PTPRD: variants seen among roughly 807,000 people sequenced by gnomAD.
The protein encoded by PTPRD is protein tyrosine phosphatase receptor type D, also known as receptor-type tyrosine-protein phosphatase delta.
In PTPRD, 34 loss-of-function variants were observed where a neutral mutation model predicts 214.5. That is an observed-to-expected ratio of 0.16 (90% CI 0.12 to 0.21). PTPRD has a LOEUF of 0.21. Among genes scored for constraint, PTPRD ranks in the 10% least tolerant of loss-of-function variants. The pLI is 1.00. For synonymous variants in PTPRD, 1,128 were observed against 845.7 expected (o/e 1.33, Z -5.79); for missense variants, 2,545 against 2,398.7 (o/e 1.06, Z -1.27).
At chr9:9,990,646 C>T (rs891512829) in intron 4 of PTPRD, among the ~76,000 whole-genome samples, 1 of 152,208 alleles carries the variant, frequency 6.6e-6, no homozygotes, top group Non-Finnish European at 1.5e-5. Context: ...GTAGTTTAGC[C>T]CTGGGCTGGG....
chr9:9,377,957 G>A (rs1011857349), intron 9 of PTPRD, among the ~76,000 whole-genome samples: 2 of 151,784 alleles, frequency 1.3e-5, no homozygotes, highest in African/African-American at 4.8e-5. Context: ...CAGCAACATT[G>A]AGAGGAAAGT....
chr9:8,836,997 G>T (rs1436786189), intron 11 of PTPRD, among the ~76,000 whole-genome samples: 1 of 147,320 alleles, frequency 6.8e-6, no homozygotes, highest in Admixed American at 6.8e-5. Flanking sequence ...GAAGAGTCTA[G>T]ATTACAGGCG....
At chr9:8,945,023 A>G (rs1485300704) in intron 11 of PTPRD, among the ~76,000 whole-genome samples, 2 of 152,118 alleles carry the variant, frequency 1.3e-5, no homozygotes, top group African/African-American at 4.8e-5. Context: ...CCCCATAAAC[A>G]TATGTACTTA....
chr9:10,107,246 C>T (rs72694872), intron 3 of PTPRD, among the ~76,000 whole-genome samples: 7,989 of 151,876 alleles, frequency 0.053, 275 homozygotes, highest in Admixed American at 0.1. Context: ...TTAGTTGTGG[C>T]CAGCAACATT....
At chr9:9,462,014 T>C (rs1478240450) in intron 8 of PTPRD, among the ~76,000 whole-genome samples, 1 of 152,188 alleles carries the variant, frequency 6.6e-6, no homozygotes, top group Non-Finnish European at 1.5e-5. Flanking sequence ...GTAGTTGCCA[T>C]AACTTATTAA....
chr9:8,485,167 C>T (rs879067830), intron 29 of PTPRD, 60 bp downstream of exon 29: 1 of 1,424,840 alleles, frequency 7.0e-7, no homozygotes, highest in Non-Finnish European at 9.8e-7. Flanking sequence ...ATAACTTACC[C>T]AGATAAACTG....
intron 10 of PTPRD, among the ~76,000 whole-genome samples, chr9:9,147,917 G>GCTT (rs2099871406): frequency 6.6e-6 from 1 of 152,074 alleles, no homozygotes; most frequent in Admixed American, 6.6e-5. Context: ...TGTGGAAGGT[G>GCTT]GACTCAGCAA....
At chr9:9,136,172 G>A (rs1251668202) in intron 10 of PTPRD, among the ~76,000 whole-genome samples, 1 of 152,056 alleles carries the variant, frequency 6.6e-6, no homozygotes, top group East Asian at 1.9e-4. Flanking sequence ...ATTCACTGTG[G>A]TAAGGAGTTT....
In PTPRD at chr9:8,314,477, C is replaced by G. The variant is rs1349361433; in HGVS notation, c.*3397G>C. 4.3e-6 allele frequency: 1 copy of G among 231,472 alleles called. No individual in the cohort carries two copies. The highest frequency in any genetic ancestry group is 8.6e-6 in the Non-Finnish European group (1 of 116,686). 14.3% of individuals were successfully genotyped at this position (231,472 alleles called of 1,614,324 possible). A position where few individuals can be genotyped will look rare whatever the true frequency, so the allele number is the denominator to read the frequency against. On this transcript the variant is annotated 3_prime_UTR_variant, in exon 46 of 46. Coordinates refer to ENST00000381196, the MANE Select transcript of PTPRD (RefSeq NM_002839.4). ...GTTTTAATTTTTCAGTCTATGCATC[C>G]AAAACGAGAGCAAAGAACACAACTG...
At chr9:8,460,187 G>A (rs962161446) in intron 33 of PTPRD, 1 of 579,306 alleles carries the variant, frequency 1.7e-6, no homozygotes, top group Non-Finnish European at 3.0e-6. Context: ...CAGAATAGAT[G>A]CATGTTGGAC....
Position 9,759,555 on chromosome 9 carries a change from C to CTTTTTTTTTTTTTTTTTT in PTPRD, c.-326+7237_-326+7254dup, listed in dbSNP as rs3050068. ...ACATCTTCAAATAGTCAAGGTCTGT[C>CTTTTTTTTTTTTTTTTTT]TTTTTTTTTTTTTTTTTTTTGAGAT... On this transcript the variant is annotated intron_variant, in intron 6 of 45. Coordinates refer to ENST00000381196, the MANE Select transcript of PTPRD (RefSeq NM_002839.4). Among the ~76,000 whole-genome samples the CTTTTTTTTTTTTTTTTTT allele has an allele frequency of 4.2e-4, 49 of 117,804 alleles. 9 individuals carry two copies. The East Asian group carries it at 9.6e-3, about 23-fold the overall frequency. 77.3% of individuals were successfully genotyped at this position (117,804 alleles called of 152,430 possible).
At chr9:9,644,194 C>T (rs539098516) in intron 7 of PTPRD, among the ~76,000 whole-genome samples, 24 of 152,118 alleles carry the variant, frequency 1.6e-4, no homozygotes, top group Non-Finnish European at 2.6e-4. Flanking sequence ...TATGCATTGT[C>T]GTAGCCTTAT....
chr9:8,822,631 A>G (rs1311493460), intron 11 of PTPRD, among the ~76,000 whole-genome samples: 6 of 152,208 alleles, frequency 3.9e-5, no homozygotes, highest in Non-Finnish European at 2.9e-5. Flanking sequence ...ATCAATAACA[A>G]TATTATTGAG....
At chr9:9,600,753 G>A (rs879808874) in intron 7 of PTPRD, among the ~76,000 whole-genome samples, 4 of 152,144 alleles carry the variant, frequency 2.6e-5, no homozygotes, top group South Asian at 4.2e-4. Flanking sequence ...CCATCCTTCC[G>A]ATTTTATTCA....
intron 11 of PTPRD, among the ~76,000 whole-genome samples, chr9:8,877,312 C>T (rs906939772): frequency 2.0e-5 from 3 of 152,102 alleles, no homozygotes; most frequent in Non-Finnish European, 2.9e-5. Context: ...ACATGAATAA[C>T]CCAGGGTAAT....
intron 7 of PTPRD, among the ~76,000 whole-genome samples, chr9:9,632,070 G>C (rs2095612308): frequency 6.6e-6 from 1 of 152,190 alleles, no homozygotes; most frequent in Admixed American, 6.5e-5. Flanking sequence ...ACAGAAAAGA[G>C]TTAATATGTC....
At chr9:10,449,967 G>A (rs532419144) in intron 2 of PTPRD, among the ~76,000 whole-genome samples, 3 of 151,772 alleles carry the variant, frequency 2.0e-5, no homozygotes, top group African/African-American at 7.3e-5. Flanking sequence ...TCTGAAACAT[G>A]TGCTGTGTCC....
intron 44 of PTPRD, among the ~76,000 whole-genome samples, chr9:8,321,485 GTGTATATA>G (rs1324198362): frequency 2.2e-4 from 10 of 45,404 alleles, no homozygotes; most frequent in African/African-American, 7.7e-4. Flanking sequence ...GTGTGTGTGT[GTGTATATA>G]TATATATATA....
chr9:9,446,380 T>A lies in PTPRD; in HGVS notation c.-236-48898A>T, dbSNP rs574991874. On this transcript the variant is annotated intron_variant, in intron 8 of 45. Coordinates refer to ENST00000381196, the MANE Select transcript of PTPRD (RefSeq NM_002839.4). ...GTTCCATTGTGACCCATCTACTTAATATACCTGTGAGGGAAGAAAATCCCA... is the reference window on the plus strand; with the variant it reads ...GTTCCATTGTGACCCATCTACTTAAAATACCTGTGAGGGAAGAAAATCCCA... 1.7e-4 allele frequency among the ~76,000 whole-genome samples: 26 copies of A among 152,288 alleles called. No individual in the cohort carries two copies. The Middle Eastern group carries it at 0.02, about 120-fold the overall frequency.
Sources: gnomAD v4.1 joint callset for allele counts (sites outside exome capture counted in the v4.1 genomes callset) on GRCh38, gnomAD v4.1.1 for gene constraint, MANE v1.5 for transcripts, NCBI Gene and HGNC (gene_info 2026-07-23, HGNC 2026-07-21) for gene names.